Variants in CEP63 observed in about 807,000 individuals in gnomAD.
CEP63 encodes centrosomal protein 63, also known as centrosomal protein of 63 kDa.
Under a neutral mutation model 89.1 loss-of-function variants are expected in CEP63, and 84 were observed. The observed-to-expected ratio is 0.94, with a 90% CI of 0.79 to 1.13. CEP63 has a LOEUF of 1.13. Ranked by LOEUF, CEP63 falls within the 50% of genes most tolerant of loss-of-function variation. CEP63 has a pLI of 0.00. For missense variants in CEP63, 838 were observed against 813.3 expected (o/e 1.03, Z -0.37); for synonymous variants, 267 against 272.5 (o/e 0.98, Z 0.20).
the CEP63 span, among the ~76,000 whole-genome samples, chr3:134,644,073 C>A: frequency 6.6e-6 from 1 of 152,136 alleles, no homozygotes; most frequent in African/African-American, 2.4e-5. Flanking sequence ...GATTCACCCG[C>A]CTCAGCCTCC....
chr3:134,581,892 G>T (rs1336045520), intron 10 of CEP63, among the ~76,000 whole-genome samples: 3 of 151,466 alleles, frequency 2.0e-5, no homozygotes, highest in Non-Finnish European at 2.9e-5. Flanking sequence ...AGCCAGGATG[G>T]TCTCGATCTC....
At chr3:134,603,654 G>A in the CEP63 span, 1 of 1,613,402 alleles carries the variant, frequency 6.2e-7, no homozygotes, top group South Asian at 1.1e-5. Flanking sequence ...CCATGACATA[G>A]ACTTCCTGGC....
chr3:134,742,471 G>A, the CEP63 span, among the ~76,000 whole-genome samples: 1 of 152,150 alleles, frequency 6.6e-6, no homozygotes, highest in Non-Finnish European at 1.5e-5. Flanking sequence ...GAAACCAAAA[G>A]GGTTATCAAG....
chr3:134,682,131 G>T, the CEP63 span, among the ~76,000 whole-genome samples: 2 of 152,230 alleles, frequency 1.3e-5, no homozygotes, highest in Middle Eastern at 6.8e-3. Flanking sequence ...CATGAACTGG[G>T]GCTCTGGTCT....
chr3:134,769,863 G>A, the CEP63 span, among the ~76,000 whole-genome samples: 1 of 152,176 alleles, frequency 6.6e-6, no homozygotes, highest in Non-Finnish European at 1.5e-5. Context: ...GTATATCAAG[G>A]GCCTATGGCT....
At chr3:134,703,396 C>T in the CEP63 span, among the ~76,000 whole-genome samples, 5 of 151,422 alleles carry the variant, frequency 3.3e-5, no homozygotes, top group African/African-American at 1.2e-4. Flanking sequence ...CAATGATAGA[C>T]TGGATAAGGG....
chr3:134,519,993 T>TAGAAGCTTTCCTTCAG (rs1377150438), intron 3 of CEP63, among the ~76,000 whole-genome samples: 1 of 152,224 alleles, frequency 6.6e-6, no homozygotes, highest in Non-Finnish European at 1.5e-5. Context: ...AACCCATTGT[T>TAGAAGCTTTCCTTCAG]AGAAGCTTTC....
chr3:134,597,510 T>C, the CEP63 span, among the ~76,000 whole-genome samples: 1 of 152,202 alleles, frequency 6.6e-6, no homozygotes, highest in Non-Finnish European at 1.5e-5. Context: ...AAGAAGTTGC[T>C]GATTCTCTGC....
rs1213006245 is a variant in CEP63 at position 134,559,239 on chromosome 3, G to A, written c.1763G>A (p.Ser588Asn). 6 of 1,614,060 alleles carry A rather than the reference G, an allele frequency of 3.7e-6. No individual in the cohort carries two copies. In the African/African-American group the frequency reaches 8.0e-5, roughly 22 times the overall value. The stretch of plus-strand genomic sequence containing the variant: ...TCTCCAAGAGGACAAGCGTCGGATA[G>A]TATAAACCCCATGTCTAGGGTGCTA... ...LHSPRGQASD[S>N]INPMSRVLSP... Residue 588 changes from serine to asparagine, a missense_variant, in exon 14 of 15, where the codon AGT (serine) becomes AAT (asparagine). Ser to Asn is a conservative substitution (Grantham distance 46). Transcript: ENST00000675561.
downstream of CEP63, among the ~76,000 whole-genome samples, chr3:134,567,212 A>T (rs1462742473): frequency 6.6e-6 from 1 of 151,940 alleles, no homozygotes; most frequent in African/African-American, 2.4e-5. Context: ...CAGAATTGAC[A>T]AATCTGTAGA....
At chr3:134,688,270 T>C in the CEP63 span, among the ~76,000 whole-genome samples, 2 of 152,250 alleles carry the variant, frequency 1.3e-5, no homozygotes, top group Non-Finnish European at 2.9e-5. Context: ...TACTATAATA[T>C]GGATGGAATT....
intron 10 of CEP63, among the ~76,000 whole-genome samples, chr3:134,580,995 T>G (rs1958331982): frequency 8.0e-6 from 1 of 125,694 alleles, no homozygotes; most frequent in Non-Finnish European, 1.7e-5. Flanking sequence ...GGCAGAAGAG[T>G]ATCAGAGTGA....
the CEP63 span, among the ~76,000 whole-genome samples, chr3:134,595,231 T>C: frequency 6.6e-6 from 1 of 152,244 alleles, no homozygotes; most frequent in South Asian, 2.1e-4. Flanking sequence ...CAAGATCTGA[T>C]GATTTTATAA....
chr3:134,555,112 G>A (rs966224256), intron 12 of CEP63, among the ~76,000 whole-genome samples: 1 of 151,332 alleles, frequency 6.6e-6, no homozygotes, highest in Admixed American at 6.6e-5. Context: ...AGGTATTGAT[G>A]GGACGTATTT....
chr3:134,776,060 T>G, the CEP63 span, among the ~76,000 whole-genome samples: 1 of 152,246 alleles, frequency 6.6e-6, no homozygotes, highest in Non-Finnish European at 1.5e-5. Context: ...AAGAAATATC[T>G]GTGGTGTTGT....
intron 6 of CEP63, among the ~76,000 whole-genome samples, chr3:134,542,460 T>A (rs896760003): frequency 6.6e-6 from 1 of 152,194 alleles, no homozygotes; most frequent in African/African-American, 2.4e-5. Flanking sequence ...TTTAGGCTGC[T>A]CTCTAGTGGA....
intron 6 of CEP63, among the ~76,000 whole-genome samples, chr3:134,538,927 T>TA (rs1325154038): frequency 6.6e-6 from 1 of 152,180 alleles, no homozygotes; most frequent in Non-Finnish European, 1.5e-5. Flanking sequence ...GATTTTTACT[T>TA]ACTGTAATTC....
downstream of CEP63, among the ~76,000 whole-genome samples, chr3:134,592,469 GGTGTGTGTGTGTGTGTGTGT>G (rs34973626): frequency 1.1e-4 from 14 of 125,196 alleles, no homozygotes; most frequent in East Asian, 2.5e-4. Flanking sequence ...TCTGCAAACT[GGTGTGTGTGTGTGTGTGTGT>G]GTGTGTGTGT....
At chr3:134,684,381 A>G in the CEP63 span, among the ~76,000 whole-genome samples, 1 of 152,146 alleles carries the variant, frequency 6.6e-6, no homozygotes, top group South Asian at 2.1e-4. Flanking sequence ...CCACATGGGG[A>G]CATGTATTTC....
Sources: allele counts gnomAD v4.1 joint callset (sites outside exome capture counted in the v4.1 genomes callset), GRCh38; gene constraint gnomAD v4.1.1; transcripts MANE v1.5; gene names NCBI Gene and HGNC (gene_info 2026-07-23, HGNC 2026-07-21).